Variants in HOMER1 observed in about 807,000 individuals in gnomAD.
The protein encoded by HOMER1 is homer scaffold protein 1, also known as homer protein homolog 1.
In HOMER1, 3 loss-of-function variants were observed where a neutral mutation model predicts 48.9. The observed-to-expected ratio is 0.06, with a 90% CI of 0.03 to 0.16. The LOEUF (loss-of-function observed/expected upper bound fraction) is 0.16. HOMER1 is among the 10% of genes least tolerant of loss of function. HOMER1 has a pLI of 1.00. For synonymous variants in HOMER1, 134 were observed against 146.4 expected, an observed-to-expected ratio of 0.92 and a Z score of 0.61; for missense variants, 247 against 411.4, an observed-to-expected ratio of 0.60 and a Z score of 3.46.
intron 5 of HOMER1, among the ~76,000 whole-genome samples, chr5:79,404,864 A>ATT (rs71615534): frequency 2.5e-3 from 360 of 141,482 alleles, no homozygotes; most frequent in East Asian, 5.3e-3. Flanking sequence ...ACGCCCAGCT[A>ATT]TTTTTTTTTT....
At chr5:79,471,551 G>GAAAA (rs55724615) in intron 1 of HOMER1, among the ~76,000 whole-genome samples, 135 of 97,604 alleles carry the variant, frequency 1.4e-3, no homozygotes, top group Non-Finnish European at 2.0e-3. Flanking sequence ...CCATCTCAAA[G>GAAAA]AAAAAAAAAA....
intron 1 of HOMER1, among the ~76,000 whole-genome samples, chr5:79,471,708 T>C (rs924464868): frequency 6.6e-6 from 1 of 152,204 alleles, no homozygotes; most frequent in Non-Finnish European, 1.5e-5. Flanking sequence ...GATTCTCATG[T>C]GCAGCCAGGA....
intron 8 of HOMER1, among the ~76,000 whole-genome samples, chr5:79,385,759 C>T (rs1208946840): frequency 7.0e-6 from 1 of 141,936 alleles, no homozygotes; most frequent in Non-Finnish European, 1.5e-5. Flanking sequence ...GGGAGAATGG[C>T]ATCAACCTGG....
chr5:79,401,555 T>C (rs372263016), intron 6 of HOMER1, among the ~76,000 whole-genome samples: 2 of 152,124 alleles, frequency 1.3e-5, no homozygotes, highest in Admixed American at 6.5e-5. Flanking sequence ...ATTAAACTAC[T>C]CCCTGAATTT....
At chr5:79,386,339 A>G (rs1182145373) in intron 8 of HOMER1, among the ~76,000 whole-genome samples, 1 of 152,220 alleles carries the variant, frequency 6.6e-6, no homozygotes, top group African/African-American at 2.4e-5. Flanking sequence ...GGAGGTCATC[A>G]TGTTAAGTGA....
intron 2 of HOMER1, among the ~76,000 whole-genome samples, chr5:79,453,354 C>T (rs74327707): frequency 0.058 from 8,877 of 152,190 alleles, 636 homozygotes; most frequent in East Asian, 0.19. Context: ...AACTGACCAA[C>T]GTGCTGGTAG....
At chr5:79,451,657 C>G (rs1342317492) in intron 2 of HOMER1, among the ~76,000 whole-genome samples, 2 of 147,958 alleles carry the variant, frequency 1.4e-5, no homozygotes, top group South Asian at 2.2e-4. Context: ...GCTCCAACTC[C>G]CGGGTTCACG....
At chr5:79,416,452 A>T (rs182911044) in intron 5 of HOMER1, among the ~76,000 whole-genome samples, 1 of 152,362 alleles carries the variant, frequency 6.6e-6, no homozygotes, top group East Asian at 1.9e-4. Flanking sequence ...TTGATTTGAG[A>T]GAGCACAGCA....
At chr5:79,439,396 A>G (rs1750682384) in intron 4 of HOMER1, among the ~76,000 whole-genome samples, 1 of 152,240 alleles carries the variant, frequency 6.6e-6, no homozygotes, top group African/African-American at 2.4e-5. Context: ...ACAATTTAGA[A>G]ACGGAAATAT....
rs1473959038 is a variant in HOMER1 at position 79,410,671 on chromosome 5, C to A, written c.528-8616G>T. Among the ~76,000 whole-genome samples the A allele has an allele frequency of 3.3e-5, 5 of 151,798 alleles. No individual in the cohort carries two copies. In the East Asian group the frequency reaches 9.7e-4, roughly 29 times the overall value. ...TTATAATAAATTCCAAACACCCATA[C>A]CTCTCAATAGTTTGCACATTAATTT... On this transcript the variant is annotated intron_variant, in intron 5 of 8. Coordinates refer to ENST00000334082, the MANE Select transcript of HOMER1 (RefSeq NM_004272.5).
At chr5:79,508,133 T>G (rs1433738746) in intron 1 of HOMER1, among the ~76,000 whole-genome samples, 1 of 152,218 alleles carries the variant, frequency 6.6e-6, no homozygotes, top group Non-Finnish European at 1.5e-5. Context: ...AATTGCTTTC[T>G]TATTCTACTT....
chr5:79,422,600 G>T (rs1191011399), intron 5 of HOMER1, among the ~76,000 whole-genome samples: 2 of 145,118 alleles, frequency 1.4e-5, no homozygotes, highest in Non-Finnish European at 3.0e-5. Context: ...TACTTCTCAT[G>T]AGACAATTGT....
intron 5 of HOMER1, among the ~76,000 whole-genome samples, chr5:79,428,441 T>A (rs1329675164): frequency 6.6e-6 from 1 of 151,978 alleles, no homozygotes; most frequent in African/African-American, 2.4e-5. Context: ...AGGTTCTAGC[T>A]AGAGCAATGA....
At chr5:79,380,094 C>T (rs1016060583) in intron 8 of HOMER1, among the ~76,000 whole-genome samples, 41 of 152,148 alleles carry the variant, frequency 2.7e-4, no homozygotes, top group African/African-American at 9.9e-4. Context: ...AGAAGGAAGT[C>T]GGCTTGGCCA....
intron 1 of HOMER1, among the ~76,000 whole-genome samples, chr5:79,468,163 G>A (rs1422216339): frequency 2.6e-5 from 4 of 152,120 alleles, no homozygotes; most frequent in Non-Finnish European, 4.4e-5. Context: ...TGACCACTAC[G>A]CATGTGAAAT....
intron 5 of HOMER1, among the ~76,000 whole-genome samples, chr5:79,414,783 C>T (rs4455546): frequency 0.19 from 28,583 of 151,936 alleles, 3,701 homozygotes; most frequent in East Asian, 0.42. Context: ...CAGGTTTTAC[C>T]TTCCATCTCA....
intron 1 of HOMER1, among the ~76,000 whole-genome samples, chr5:79,495,086 G>A (rs1752384317): frequency 6.6e-6 from 1 of 151,952 alleles, no homozygotes; most frequent in Admixed American, 6.6e-5. Flanking sequence ...TTAACACAAA[G>A]AATACATGTA....
intron 5 of HOMER1, among the ~76,000 whole-genome samples, chr5:79,422,164 T>C (rs1750119968): frequency 6.6e-6 from 1 of 151,686 alleles, no homozygotes; most frequent in African/African-American, 2.4e-5. Context: ...GAGACAGAGG[T>C]TGCAGTGAGC....
chr5:79,481,230 T>A (rs1273797639), intron 1 of HOMER1, among the ~76,000 whole-genome samples: 4 of 152,232 alleles, frequency 2.6e-5, no homozygotes, highest in Non-Finnish European at 5.9e-5. Context: ...TATTTTTAAC[T>A]GTGATATTTT....
Sources: allele counts gnomAD v4.1 joint callset (sites outside exome capture counted in the v4.1 genomes callset), GRCh38; gene constraint gnomAD v4.1.1; transcripts MANE v1.5; gene names NCBI Gene and HGNC (gene_info 2026-07-23, HGNC 2026-07-21).